Variants in ADGRL3 observed in about 807,000 individuals in gnomAD.
ADGRL3 encodes the protein adhesion G protein-coupled receptor L3.
ADGRL3 carries 62 observed loss-of-function variants against 153.5 expected under a neutral mutation model. That is an observed-to-expected ratio of 0.40 (90% confidence interval 0.33 to 0.50). ADGRL3 has a LOEUF of 0.50. ADGRL3 is among the 20% of genes least tolerant of loss of function. The pLI is 0.47. For missense variants in ADGRL3, 1,641 were observed against 1,859.4 expected (o/e 0.88, Z 2.16); for synonymous variants, 710 against 672.5 (o/e 1.06, Z -0.86).
chr4:61,335,256 G>A (rs963327595), intron 1 of ADGRL3, among the ~76,000 whole-genome samples: 10 of 152,062 alleles, frequency 6.6e-5, no homozygotes, highest in Non-Finnish European at 1.0e-4. Context: ...TTACATGGGG[G>A]ATACCTATAA....
chr4:61,684,420 T>G (rs1480999636), intron 6 of ADGRL3, among the ~76,000 whole-genome samples: 2 of 152,118 alleles, frequency 1.3e-5, no homozygotes, highest in African/African-American at 4.8e-5. Context: ...ATCAGGACTC[T>G]GTGTTCCTGC....
intron 1 of ADGRL3, among the ~76,000 whole-genome samples, chr4:61,291,650 T>C (rs1340655408): frequency 9.2e-6 from 1 of 108,634 alleles, no homozygotes; most frequent in East Asian, 2.7e-4. Context: ...TATATGCATG[T>C]ATAGAGAGAA....
intron 9 of ADGRL3, among the ~76,000 whole-genome samples, chr4:61,878,092 A>C (rs1368832397): frequency 6.6e-6 from 1 of 152,166 alleles, no homozygotes; most frequent in Non-Finnish European, 1.5e-5. Flanking sequence ...TAAATTACCC[A>C]ATCTCAGGAA....
At chr4:61,553,734 G>T (rs962698677) in intron 4 of ADGRL3, among the ~76,000 whole-genome samples, 1 of 151,970 alleles carries the variant, frequency 6.6e-6, no homozygotes, top group African/African-American at 2.4e-5. Flanking sequence ...CTTGCCCAGT[G>T]GGAGTGTTTG....
intron 5 of ADGRL3, among the ~76,000 whole-genome samples, chr4:61,598,774 A>G (rs184970906): frequency 7.2e-5 from 11 of 152,332 alleles, no homozygotes; most frequent in African/African-American, 2.6e-4. Flanking sequence ...TAAGATTTCA[A>G]AAAGCTTACT....
At chr4:61,532,975 A>C (rs751631049) in intron 4 of ADGRL3, among the ~76,000 whole-genome samples, 6 of 152,098 alleles carry the variant, frequency 3.9e-5, no homozygotes, top group Non-Finnish European at 8.8e-5. Context: ...AGATATTAAG[A>C]ACATGGGACT....
chr4:61,586,536 G>GT (rs1209271310), intron 4 of ADGRL3, among the ~76,000 whole-genome samples: 68 of 152,064 alleles, frequency 4.5e-4, no homozygotes, highest in Non-Finnish European at 1.0e-4. Flanking sequence ...AATTTTCAGA[G>GT]TAAAGTGAAA....
intron 24 of ADGRL3, 95 bp downstream of exon 24, chr4:62,037,951 C>A: frequency 7.1e-7 from 1 of 1,401,144 alleles, no homozygotes; most frequent in South Asian, 1.2e-5. Context: ...GTGTTTAACA[C>A]ATCGTTTGTT....
At chr4:61,406,662 C>G (rs1232683665) in intron 2 of ADGRL3, among the ~76,000 whole-genome samples, 1 of 151,736 alleles carries the variant, frequency 6.6e-6, no homozygotes, top group Non-Finnish European at 1.5e-5. Flanking sequence ...GTTAATAAAT[C>G]ATTGGAGTTA....
In ADGRL3 at chr4:61,846,082, C is replaced by T. The variant is rs546817388; in HGVS notation, c.1480+32193C>T. Among the ~76,000 whole-genome samples the T allele has an allele frequency of 1.1e-3, 169 of 152,124 alleles. 1 individual carries two copies. Among genetic ancestry groups the T allele is most frequent in the Middle Eastern group, 3.4e-3 (1 of 294 alleles). On this transcript the variant is annotated intron_variant, in intron 9 of 26. Transcript: ENST00000683033. Reference sequence around the variant, plus strand: ...GTAATTCCAGCATTCCAGAAGGCCACGGTGGGAGGATCTCTTAAGCCCAGG... The same window carrying T: ...GTAATTCCAGCATTCCAGAAGGCCATGGTGGGAGGATCTCTTAAGCCCAGG...
intron 1 of ADGRL3, among the ~76,000 whole-genome samples, chr4:61,222,668 C>G (rs1276104588): frequency 6.6e-6 from 1 of 152,116 alleles, no homozygotes; most frequent in African/African-American, 2.4e-5. Flanking sequence ...GTACAGGAAC[C>G]AGCTTGGTAA....
At chr4:61,757,979 T>G (rs913830904) in intron 8 of ADGRL3, among the ~76,000 whole-genome samples, 1 of 152,250 alleles carries the variant, frequency 6.6e-6, no homozygotes, top group African/African-American at 2.4e-5. Flanking sequence ...CACTGTGGTC[T>G]GAGAGACAGT....
intron 9 of ADGRL3, among the ~76,000 whole-genome samples, chr4:61,865,190 C>T (rs2098388095): frequency 6.6e-6 from 1 of 152,072 alleles, no homozygotes; most frequent in Non-Finnish European, 1.5e-5. Flanking sequence ...AAAGAATTCT[C>T]TAAGATATGT....
chr4:61,999,911 C>T (rs1027011403), intron 21 of ADGRL3, among the ~76,000 whole-genome samples: 6 of 152,116 alleles, frequency 3.9e-5, no homozygotes, highest in Middle Eastern at 3.4e-3. Context: ...CTCAATATTA[C>T]TTAGTTGAGA....
rs1199773414 is a variant in ADGRL3 at position 61,892,947 on chromosome 4, C to T, written c.1772C>T (p.Ala591Val). The stretch of plus-strand genomic sequence containing the variant: ...CAGATAGCAAAGCAGCCATGCCCTG[C>T]AGGAACTATAGGTAAGTCTGTGCTA... The part of the protein sequence containing the change: ...QGQIAKQPCP[A>V]GTIGVSTYLC... The change falls in exon 10 of 27, where the codon GCA becomes GTA. Residue 591 changes from alanine to valine, a missense_variant. Physicochemically the swap from Ala to Val is moderately conservative, Grantham distance 64 (BLOSUM62 0). This residue lies in a region of ADGRL3 where 734 missense variants were observed against 797.0 expected (regional missense o/e 0.92). Transcript: ENST00000683033. 1 of 1,525,414 alleles carries T rather than the reference C, an allele frequency of 6.6e-7. No homozygotes were observed. The highest frequency in any genetic ancestry group is 2.3e-5 in the East Asian group (1 of 44,024). 94.5% of individuals were successfully genotyped at this position (1,525,414 alleles called of 1,614,324 possible). A position where few individuals can be genotyped will look rare whatever the true frequency, so the allele number is the denominator to read the frequency against.
At chr4:61,310,915 T>C (rs72614725) in intron 1 of ADGRL3, among the ~76,000 whole-genome samples, 2,165 of 152,060 alleles carry the variant, frequency 0.014, 57 homozygotes, top group East Asian at 0.11. Flanking sequence ...ATGGATATAT[T>C]CCAGTCTAGG....
At chr4:61,587,512 A>T in intron 5 of ADGRL3, 72 bp downstream of exon 5, 1 of 1,125,882 alleles carries the variant, frequency 8.9e-7, no homozygotes, top group Non-Finnish European at 1.3e-6. Context: ...TTACATGTTA[A>T]GCATAAGAAC....
chr4:61,473,471 A>T (rs1333250891), intron 2 of ADGRL3, among the ~76,000 whole-genome samples: 5 of 151,658 alleles, frequency 3.3e-5, no homozygotes, highest in African/African-American at 1.2e-4. Context: ...CTAGGATGAG[A>T]CTCCCTGAAT....
intron 5 of ADGRL3, among the ~76,000 whole-genome samples, chr4:61,646,302 A>G (rs1484877356): frequency 6.6e-6 from 1 of 152,162 alleles, no homozygotes; most frequent in African/African-American, 2.4e-5. Context: ...GTCATTCTCC[A>G]TCCAGCTTTG....
Sources: gnomAD v4.1 joint callset for allele counts (sites outside exome capture counted in the v4.1 genomes callset) on GRCh38, gnomAD v4.1.1 for gene constraint, gnomAD v4.1.1 regional missense constraint, MANE v1.5 for transcripts, NCBI Gene and HGNC (gene_info 2026-07-23, HGNC 2026-07-21) for gene names.